The following OR2L13 variants were observed in gnomAD, a reference collection of about 807,000 sequenced individuals.
OR2L13 encodes the protein olfactory receptor 2L13.
OR2L13 carries 14 observed loss-of-function variants against 15.3 expected under a neutral mutation model. The observed-to-expected ratio is 0.91, with a 90% CI of 0.60 to 1.43. OR2L13 has a LOEUF of 1.43. OR2L13 is among the 40% of genes most tolerant of loss of function. OR2L13 has a pLI of 0.00. For synonymous variants in OR2L13, 152 were observed against 142.9 expected, an observed-to-expected ratio of 1.06 and a Z score of -0.45; for missense variants, 367 against 387.9, an observed-to-expected ratio of 0.95 and a Z score of 0.45.
the OR2L13 span, among the ~76,000 whole-genome samples, chr1:248,036,433 G>A: frequency 1.3e-5 from 2 of 152,086 alleles, no homozygotes; most frequent in Non-Finnish European, 2.9e-5. Flanking sequence ...CCTGAAAATA[G>A]GAATTCTTAA....
chr1:248,022,031 T>C, the OR2L13 span: 7 of 1,613,846 alleles, frequency 4.3e-6, no homozygotes, highest in Non-Finnish European at 5.9e-6. Context: ...TCCTCTTCAT[T>C]CTCTTTGTTC....
At chr1:248,003,642 G>C in the OR2L13 span, 1 of 1,612,002 alleles carries the variant, frequency 6.2e-7, no homozygotes, top group Non-Finnish European at 8.5e-7. Flanking sequence ...TGCCCATCTA[G>C]GGTTATCAAT....
At chr1:247,999,821 G>A in the OR2L13 span, among the ~76,000 whole-genome samples, 1 of 152,250 alleles carries the variant, frequency 6.6e-6, no homozygotes, top group African/African-American at 2.4e-5. Flanking sequence ...GTGACTCATG[G>A]AGTCAATGAC....
the OR2L13 span, among the ~76,000 whole-genome samples, chr1:247,955,884 T>A: frequency 6.6e-6 from 1 of 152,004 alleles, no homozygotes; most frequent in Non-Finnish European, 1.5e-5. Flanking sequence ...TTTCTCCCAT[T>A]GTGTAGGTTG....
At chr1:248,063,792 G>A in the OR2L13 span, among the ~76,000 whole-genome samples, 4 of 41,808 alleles carry the variant, frequency 9.6e-5, no homozygotes, top group Non-Finnish European at 2.5e-4. Flanking sequence ...CAAGATGTGT[G>A]CGTGTGTGTG....
the OR2L13 span, chr1:247,966,035 G>A: frequency 5.2e-5 from 84 of 1,613,956 alleles, 1 homozygote; most frequent in South Asian, 3.4e-4. Flanking sequence ...TCCTATGCTC[G>A]TGTGCTTATT....
At chr1:247,978,920 T>G in the OR2L13 span, among the ~76,000 whole-genome samples, 1 of 152,040 alleles carries the variant, frequency 6.6e-6, no homozygotes, top group African/African-American at 2.4e-5. Flanking sequence ...GACTGCAGGC[T>G]TCCTTTGTTT....
chr1:248,067,496 A>C, the OR2L13 span, among the ~76,000 whole-genome samples: 50 of 152,352 alleles, frequency 3.3e-4, no homozygotes, highest in African/African-American at 1.2e-3. Flanking sequence ...TAATAGCTAA[A>C]TAATATGAGG....
the OR2L13 span, among the ~76,000 whole-genome samples, chr1:247,992,412 A>T: frequency 6.6e-6 from 1 of 152,186 alleles, no homozygotes; most frequent in East Asian, 1.9e-4. Context: ...TATTTTAGGT[A>T]TGAGAGTACA....
the OR2L13 span, chr1:248,042,018 G>T: frequency 9.2e-5 from 14 of 152,056 alleles, no homozygotes; most frequent in South Asian, 2.1e-4. Context: ...TATAACCAAA[G>T]GACTATAAAT....
the OR2L13 span, chr1:248,038,774 G>A: frequency 1.2e-6 from 2 of 1,614,148 alleles, no homozygotes; most frequent in Middle Eastern, 1.7e-4. Flanking sequence ...CATATTGCAA[G>A]TCCAGAGCCA....
the OR2L13 span, among the ~76,000 whole-genome samples, chr1:248,016,164 AAATC>A: frequency 6.6e-6 from 1 of 152,208 alleles, no homozygotes; most frequent in Non-Finnish European, 1.5e-5. Context: ...GGATAGGAAA[AAATC>A]TATGCAATTT....
chr1:248,099,878 G>T, exon 3 of OR2L13: 1 of 1,614,094 alleles, frequency 6.2e-7, no homozygotes, highest in Non-Finnish European at 8.5e-7. Flanking sequence ...ATTCCCTACT[G>T]CAGGTCTAGG....
At chr1:248,015,460 GA>G in the OR2L13 span, among the ~76,000 whole-genome samples, 1 of 152,130 alleles carries the variant, frequency 6.6e-6, no homozygotes, top group Non-Finnish European at 1.5e-5. Context: ...TTCAGGTACA[GA>G]CAGCTTGTTT....
chr1:247,960,841 C>G, the OR2L13 span, among the ~76,000 whole-genome samples: 1 of 152,168 alleles, frequency 6.6e-6, no homozygotes, highest in African/African-American at 2.4e-5. Flanking sequence ...GTCTGTCACC[C>G]CTTTCTTTGA....
chr1:248,074,245 G>A, the OR2L13 span, among the ~76,000 whole-genome samples: 1 of 151,962 alleles, frequency 6.6e-6, no homozygotes, highest in East Asian at 1.9e-4. Flanking sequence ...TTATTCTCTA[G>A]GTAATGGCAT....
At chr1:247,990,477 A>C in the OR2L13 span, 2 of 1,577,976 alleles carry the variant, frequency 1.3e-6, no homozygotes, top group Non-Finnish European at 8.7e-7. Flanking sequence ...CATTGACCTA[A>C]ATTATATTTC....
the OR2L13 span, chr1:248,060,660 G>A: frequency 6.3e-7 from 1 of 1,584,470 alleles, no homozygotes; most frequent in East Asian, 2.2e-5. Context: ...TCTCCCTTCA[G>A]GAAAGAGCAC....
chr1:248,048,979 C>T, the OR2L13 span, among the ~76,000 whole-genome samples: 2 of 148,448 alleles, frequency 1.3e-5, no homozygotes, highest in East Asian at 2.0e-4. Flanking sequence ...AATGATCATA[C>T]CAACTTTAAG....
Sources: gnomAD v4.1 joint callset for allele counts (sites outside exome capture counted in the v4.1 genomes callset) on GRCh38, gnomAD v4.1.1 for gene constraint, MANE v1.5 for transcripts, NCBI Gene and HGNC (gene_info 2026-07-23, HGNC 2026-07-21) for gene names.